The following LRBA variants were observed in gnomAD, a reference collection of about 807,000 sequenced individuals.
The protein encoded by LRBA is LPS responsive beige-like anchor protein.
LRBA carries 176 observed loss-of-function variants against 330.0 expected under a neutral mutation model. The observed-to-expected ratio is 0.53, with a 90% confidence interval of 0.47 to 0.60. The LOEUF is 0.60. Among genes scored for constraint, LRBA ranks in the 20% least tolerant of loss-of-function variants. The pLI is 0.00. For synonymous variants in LRBA, 1,230 were observed against 1,193.0 expected (o/e 1.03, Z -0.64); for missense variants, 3,259 against 3,444.8 (o/e 0.95, Z 1.35).
chr4:150,298,261 A>AATAATTC (rs1190860481), intron 53 of LRBA, among the ~76,000 whole-genome samples: 1 of 152,146 alleles, frequency 6.6e-6, no homozygotes. Context: ...GCAGCCAGTA[A>AATAATTC]ATAATTCACA....
chr4:150,909,879 G>A (rs1731788061), intron 9 of LRBA, among the ~76,000 whole-genome samples: 1 of 152,108 alleles, frequency 6.6e-6, no homozygotes, highest in African/African-American at 2.4e-5. Flanking sequence ...ATAGCTCGCT[G>A]TAGTTTAAAT....
intron 40 of LRBA, among the ~76,000 whole-genome samples, chr4:150,497,889 A>AG (rs1204736291): frequency 6.6e-6 from 1 of 152,168 alleles, no homozygotes; most frequent in East Asian, 1.9e-4. Flanking sequence ...CTTTGGGGCT[A>AG]GGTGACAATG....
At chr4:150,988,942 G>A (rs927604327) in intron 2 of LRBA, among the ~76,000 whole-genome samples, 11 of 152,116 alleles carry the variant, frequency 7.2e-5, no homozygotes, top group Middle Eastern at 3.4e-3. Flanking sequence ...TTATAAATTG[G>A]GGGTGGGGGG....
At chr4:150,806,660 T>C (rs1204083513) in intron 32 of LRBA, among the ~76,000 whole-genome samples, 1 of 152,014 alleles carries the variant, frequency 6.6e-6, no homozygotes, top group Non-Finnish European at 1.5e-5. Context: ...TTACTACAAG[T>C]CTCACCTGGC....
intron 32 of LRBA, among the ~76,000 whole-genome samples, chr4:150,807,025 T>A (rs1578846411): frequency 1.3e-5 from 2 of 150,626 alleles, no homozygotes; most frequent in South Asian, 4.2e-4. Flanking sequence ...CCTATAAATA[T>A]ATAAAAATAT....
chr4:150,522,883 G>A (rs1261432898), intron 40 of LRBA, among the ~76,000 whole-genome samples: 1 of 152,226 alleles, frequency 6.6e-6, no homozygotes, highest in Non-Finnish European at 1.5e-5. Context: ...CCACTGAATA[G>A]AGCCCCCACT....
In LRBA at chr4:150,872,598, C is replaced by T. The variant is rs1027565702; in HGVS notation, c.2258+65G>A. The stretch of plus-strand genomic sequence containing the variant: ...AGAGGACTATAGAACAAAATTACTA[C>T]TGCAAAGATTTATAAAATAAATAAG... On this transcript the variant is annotated intron_variant, in intron 18 of 56. Coordinates refer to ENST00000651943, the MANE Select transcript of LRBA (RefSeq NM_001364905.1). 7 of 1,083,610 alleles carry T rather than the reference C, an allele frequency of 6.5e-6. No homozygotes were observed. In the African/African-American group the frequency reaches 1.1e-4, roughly 17 times the overall value. The allele number at this position is 1,083,610 out of a possible 1,614,324, so 67.1% of individuals were successfully genotyped here. A position where few individuals can be genotyped will look rare whatever the true frequency, so the allele number is the denominator to read the frequency against.
chr4:150,761,466 C>T (rs1226600132), intron 35 of LRBA, among the ~76,000 whole-genome samples: 2 of 152,068 alleles, frequency 1.3e-5, no homozygotes, highest in African/African-American at 4.8e-5. Context: ...GCTCTACACA[C>T]ATAAAATAAC....
intron 36 of LRBA, among the ~76,000 whole-genome samples, chr4:150,727,631 A>C (rs1729880816): frequency 1.3e-5 from 2 of 152,202 alleles, no homozygotes; most frequent in East Asian, 3.8e-4. Context: ...AATGATGAAG[A>C]AATTAAGAAT....
chr4:150,370,503 A>G (rs1740107390), intron 47 of LRBA, among the ~76,000 whole-genome samples: 1 of 152,180 alleles, frequency 6.6e-6, no homozygotes. Context: ...GGGGACTATA[A>G]AAAGATCAGT....
At chr4:150,684,786 C>T (rs938121448) in intron 36 of LRBA, among the ~76,000 whole-genome samples, 2 of 152,058 alleles carry the variant, frequency 1.3e-5, no homozygotes, top group African/African-American at 4.8e-5. Flanking sequence ...GTAACATAAA[C>T]TTGATGTTGG....
intron 2 of LRBA, among the ~76,000 whole-genome samples, chr4:151,006,375 G>C (rs1682009989): frequency 6.6e-6 from 1 of 151,944 alleles, no homozygotes; most frequent in South Asian, 2.1e-4. Flanking sequence ...TAGGAACTAG[G>C]CTTCCTAAAG....
intron 26 of LRBA, among the ~76,000 whole-genome samples, 183 bp downstream of exon 26, chr4:150,848,635 T>C (rs1236768925): frequency 6.7e-6 from 1 of 150,312 alleles, no homozygotes; most frequent in Non-Finnish European, 1.5e-5. Context: ...TTTTTCAAAA[T>C]ACATCCTCCT....
intron 31 of LRBA, among the ~76,000 whole-genome samples, chr4:150,816,158 T>C (rs930529601): frequency 2.0e-5 from 3 of 151,938 alleles, no homozygotes; most frequent in Admixed American, 6.6e-5. Flanking sequence ...AACAGCAGAA[T>C]AGAAGGCAAA....
chr4:150,360,500 A>T (rs1036405890), intron 47 of LRBA, among the ~76,000 whole-genome samples: 2 of 152,214 alleles, frequency 1.3e-5, no homozygotes, highest in Non-Finnish European at 2.9e-5. Context: ...ATTTCAAGTG[A>T]TCAACAACCA....
At position 150,736,023 on chromosome 4, in the gene LRBA, C is replaced by G. The variant is rs553859266; in HGVS notation, c.5646-657G>C. ...GTGGGGAGAAAAAAATCAGAAATAC[C>G]AATGCAGGAGGGCCATGGCAAAACC... is the stretch of plus-strand genomic sequence containing the variant. On this transcript the variant is annotated intron_variant, in intron 35 of 56. Coordinates refer to ENST00000651943, the MANE Select transcript of LRBA (RefSeq NM_001364905.1). 3.9e-5 allele frequency among the ~76,000 whole-genome samples: 6 copies of G among 152,098 alleles called. No individual in the cohort carries two copies. In the South Asian group the frequency reaches 1.2e-3, roughly 32 times the overall value.
rs10685627 is a variant in LRBA, at chr4:150,592,144, G to GTTTTTTTTTTTTTTTTT, written c.6047-1302_6047-1286dup. ...TTGATATGGAAATCGGATGGCTAGG[G>GTTTTTTTTTTTTTTTTT]TTTTTTTTTTTTTTTTTTTTTTTTT... On this transcript the variant is annotated intron_variant, in intron 38 of 56. Coordinates refer to ENST00000651943, the MANE Select transcript of LRBA (RefSeq NM_001364905.1). 4.6e-4 allele frequency among the ~76,000 whole-genome samples: 30 copies of GTTTTTTTTTTTTTTTTT among 65,190 alleles called. 6 individuals carry two copies. The highest frequency in any genetic ancestry group is 1.3e-3 in the East Asian group (2 of 1,558). 42.8% of individuals were successfully genotyped at this position (65,190 alleles called of 152,430 possible).
chr4:150,836,032 G>A (rs294530), intron 28 of LRBA, among the ~76,000 whole-genome samples: 1 of 152,058 alleles, frequency 6.6e-6, no homozygotes, highest in Admixed American at 6.5e-5. Context: ...TTTTGTCAAT[G>A]GCCTTTTCTG....
chr4:150,740,921 C>A (rs1221601611), intron 35 of LRBA, among the ~76,000 whole-genome samples: 1 of 151,996 alleles, frequency 6.6e-6, no homozygotes, highest in South Asian at 2.1e-4. Flanking sequence ...GTAAGATGGT[C>A]TTTTCCAAAA....
Sources: allele counts gnomAD v4.1 joint callset (sites outside exome capture counted in the v4.1 genomes callset), GRCh38; gene constraint gnomAD v4.1.1; transcripts MANE v1.5; gene names NCBI Gene and HGNC (gene_info 2026-07-23, HGNC 2026-07-21).